Variants in SUZ12 observed in about 807,000 individuals in gnomAD.
The protein encoded by SUZ12 is polycomb protein SUZ12.
Under a neutral mutation model 87.3 loss-of-function variants are expected in SUZ12, and 17 were observed. The ratio of observed to expected loss-of-function variants is 0.19; its 90% CI spans 0.13 to 0.29. The LOEUF is 0.29. SUZ12 is among the 10% of genes least tolerant of loss of function. The pLI is 1.00. For synonymous variants in SUZ12, 253 were observed against 312.4 expected (o/e 0.81, Z 2.01); for missense variants, 526 against 912.2 (o/e 0.58, Z 5.45).
At chr17:31,979,684 T>C (rs911667508) in intron 8 of SUZ12, among the ~76,000 whole-genome samples, 8 of 152,106 alleles carry the variant, frequency 5.3e-5, no homozygotes, top group African/African-American at 1.9e-4. Flanking sequence ...AAAGGTAATA[T>C]TAGGTTTGAT....
chr17:31,961,167 C>G (rs1434508883), intron 4 of SUZ12, among the ~76,000 whole-genome samples: 1 of 151,710 alleles, frequency 6.6e-6, no homozygotes, highest in Non-Finnish European at 1.5e-5. Context: ...GAGCCGAGAT[C>G]ACGCCATTGA....
At chr17:31,983,507 C>T (rs1188058721) in intron 9 of SUZ12, among the ~76,000 whole-genome samples, 3 of 151,956 alleles carry the variant, frequency 2.0e-5, no homozygotes, top group Non-Finnish European at 4.4e-5. Flanking sequence ...GTCTGGAACT[C>T]CTGACCTTGT....
At chr17:31,998,568 A>T in intron 15 of SUZ12, 90 bp from the exon 16 acceptor site, 1 of 852,650 alleles carries the variant, frequency 1.2e-6, no homozygotes, top group East Asian at 3.0e-5. Context: ...TTTTACTGGA[A>T]TTGGATATAG....
chr17:31,949,421 A>T (rs933308267), intron 4 of SUZ12, among the ~76,000 whole-genome samples: 4 of 152,138 alleles, frequency 2.6e-5, no homozygotes, highest in African/African-American at 9.7e-5. Flanking sequence ...CAAGATTCTT[A>T]TGAATGTCTC....
At position 31,994,640 on chromosome 17, in the gene SUZ12, A is replaced by C; in HGVS notation, c.1514A>C (p.Asp505Ala). 1 of 1,614,104 alleles carries C rather than the reference A, an allele frequency of 6.2e-7. No homozygotes were observed. The highest frequency in any genetic ancestry group is 8.5e-7 in the Non-Finnish European group (1 of 1,180,012). ...GGCTCCTATGCAGGAAATCCTCAGG[A>C]TATTCATCGCCAACCTGGATTTGCT... The part of the protein sequence containing the change: ...YDGSYAGNPQ[D>A]IHRQPGFAFS... Residue 505 changes from aspartate (D) to alanine (A), a missense_variant, in exon 13 of 16, where the codon GAT becomes GCT. Physicochemically the swap from Asp to Ala is moderately radical, Grantham distance 126. Transcript: ENST00000322652.
In SUZ12 at chr17:31,975,562, C is replaced by T. The variant is rs373511417; in HGVS notation, c.672C>T (p.Pro224=). ...ATCCTGACCTCAATCAAACAAAACCCGGAAATTTCCCGTCCCTTGCAGTTT... is the reference window on the plus strand; with the variant it reads ...ATCCTGACCTCAATCAAACAAAACCTGGAAATTTCCCGTCCCTTGCAGTTT... ...PLNPDLNQTK[P]GNFPSLAVSS... is the part of the protein sequence containing the mutation. The change falls in exon 7 of 16, where the codon CCC becomes CCT. Residue 224 remains proline (P), a synonymous_variant. Coordinates refer to ENST00000322652, the MANE Select transcript of SUZ12 (RefSeq NM_015355.4). 4.3e-5 allele frequency: 70 copies of T among 1,613,770 alleles called. No homozygotes were observed. The African/African-American group carries it at 4.4e-4, about 10-fold the overall frequency.
intron 3 of SUZ12, among the ~76,000 whole-genome samples, chr17:31,943,579 G>A (rs1053819622): frequency 7.2e-5 from 11 of 152,068 alleles, no homozygotes; most frequent in Admixed American, 6.6e-4. Flanking sequence ...TGTAAAAACC[G>A]TTCTTACCTT....
At chr17:31,971,709 C>T (rs899216991) in intron 5 of SUZ12, among the ~76,000 whole-genome samples, 11 of 152,018 alleles carry the variant, frequency 7.2e-5, no homozygotes, top group Admixed American at 1.3e-4. Context: ...CGATTATAGG[C>T]GTGAGCCACC....
At chr17:31,946,964 A>G (rs562526303) in intron 3 of SUZ12, among the ~76,000 whole-genome samples, 3 of 152,300 alleles carry the variant, frequency 2.0e-5, no homozygotes, top group Non-Finnish European at 2.9e-5. Context: ...GATGTCAACA[A>G]CTGTCTCTTT....
At position 31,977,405 on chromosome 17, in the gene SUZ12, G is replaced by A. The variant is rs192365612; in HGVS notation, c.917+791G>A. ...AGCAAGTCTCCTGCTTCAGCCTCTG[G>A]AGTAGCTGGGACTACAGGTGCGTGC... On this transcript the variant is annotated intron_variant, in intron 8 of 15. Transcript: ENST00000322652. Among the ~76,000 whole-genome samples, 332 of 152,000 alleles carry A rather than the reference G, an allele frequency of 2.2e-3. 1 individual carries two copies. The highest frequency in any genetic ancestry group is 7.3e-3 in the African/African-American group (301 of 41,460).
chr17:31,957,920 T>TG (rs1907458827), intron 4 of SUZ12, among the ~76,000 whole-genome samples: 1 of 138,686 alleles, frequency 7.2e-6, no homozygotes, highest in African/African-American at 2.8e-5. Context: ...TTTTTTTTTT[T>TG]GAGACAGAGT....
At chr17:31,948,260 A>G (rs935643968) in intron 4 of SUZ12, among the ~76,000 whole-genome samples, 1 of 152,146 alleles carries the variant, frequency 6.6e-6, no homozygotes, top group Non-Finnish European at 1.5e-5. Context: ...ACGAATCCCT[A>G]AATGTTCTGA....
intron 9 of SUZ12, among the ~76,000 whole-genome samples, chr17:31,984,166 T>A (rs1002588095): frequency 1.4e-4 from 21 of 152,194 alleles, no homozygotes; most frequent in Admixed American, 6.6e-4. Context: ...TAAGAGAACT[T>A]AAACCCTATG....
rs138206560 is a variant in SUZ12, at chr17:32,000,767, A to C, written c.*1764A>C. 1,566 of 231,126 alleles carry C rather than the reference A, an allele frequency of 6.8e-3. 11 individuals are homozygous for C. The highest frequency in any genetic ancestry group is 0.011 in the Admixed American group (190 of 17,694). 14.3% of individuals were successfully genotyped at this position (231,126 alleles called of 1,614,324 possible). Reference sequence around the variant, plus strand: ...TTTGCACAAAAAGTTGGTGATTCCCACCCCAAATAGTAATAAAATTACTTC... The same window carrying C: ...TTTGCACAAAAAGTTGGTGATTCCCCCCCCAAATAGTAATAAAATTACTTC... On this transcript the variant is annotated 3_prime_UTR_variant, in exon 16 of 16. Transcript: ENST00000322652.
intron 10 of SUZ12, 68 bp downstream of exon 10, chr17:31,988,565 A>G: frequency 7.1e-7 from 1 of 1,405,280 alleles, no homozygotes; most frequent in Non-Finnish European, 9.5e-7. Flanking sequence ...GCTTTAGATT[A>G]ATTCATTTGT....
At chr17:31,955,853 A>C (rs1434544293) in intron 4 of SUZ12, among the ~76,000 whole-genome samples, 2 of 152,026 alleles carry the variant, frequency 1.3e-5, no homozygotes, top group Non-Finnish European at 2.9e-5. Flanking sequence ...AAGCATTGAG[A>C]TTACAAGTGT....
intron 7 of SUZ12, 83 bp downstream of exon 7, chr17:31,975,796 G>A (rs1908711007): frequency 8.9e-7 from 1 of 1,128,022 alleles, no homozygotes; most frequent in East Asian, 2.6e-5. Context: ...CTTCATGATA[G>A]TCATGGTGCT....
Position 31,967,917 on chromosome 17 carries a change from A to G in SUZ12, c.505+1721A>G, listed in dbSNP as rs573720198. On this transcript the variant is annotated intron_variant, in intron 5 of 15. Transcript: ENST00000322652. ...CGTGGTGGCTCACAGCTATAACGTC[A>G]ACACCTTGGGAGGCTGAGATGGAAG... Among the ~76,000 whole-genome samples, 203 of 152,292 alleles carry G rather than the reference A, an allele frequency of 1.3e-3. 1 individual carries two copies. The highest frequency in any genetic ancestry group is 1.6e-3 in the Non-Finnish European group (112 of 68,022).
At chr17:31,979,454 T>C (rs1199267094) in intron 8 of SUZ12, among the ~76,000 whole-genome samples, 1 of 152,192 alleles carries the variant, frequency 6.6e-6, no homozygotes, top group Admixed American at 6.5e-5. Flanking sequence ...ATTCCATAGC[T>C]AGATGTCATA....
Sources: allele counts gnomAD v4.1 joint callset (sites outside exome capture counted in the v4.1 genomes callset), GRCh38; gene constraint gnomAD v4.1.1; transcripts MANE v1.5; gene names NCBI Gene and HGNC (gene_info 2026-07-23, HGNC 2026-07-21).